The following CRIM1 variants were observed in gnomAD, a reference collection of about 807,000 sequenced individuals.
CRIM1 encodes the protein cysteine-rich motor neuron 1 protein.
A neutral mutation model predicts 116.4 loss-of-function variants in CRIM1; 32 were observed. That is an observed-to-expected ratio of 0.27 (90% CI 0.21 to 0.37). CRIM1 has a LOEUF of 0.37. Among genes scored for constraint, CRIM1 ranks in the 10% least tolerant of loss-of-function variants. The pLI, the probability that CRIM1 is intolerant of heterozygous loss-of-function variation, is 1.00. For missense variants in CRIM1, 1,331 were observed against 1,354.8 expected, an observed-to-expected ratio of 0.98 and a Z score of 0.28; for synonymous variants, 590 against 509.2, an observed-to-expected ratio of 1.16 and a Z score of -2.13.
chr2:36,370,550 A>G (rs1230093879), intron 1 of CRIM1, among the ~76,000 whole-genome samples: 2 of 152,238 alleles, frequency 1.3e-5, no homozygotes, highest in Non-Finnish European at 2.9e-5. Flanking sequence ...ACATGCTTTA[A>G]TAACATAAAG....
rs1365193137 is a variant in CRIM1 at position 36,512,405 on chromosome 2, A to G, written c.1780+11A>G. On this transcript the variant is annotated intron_variant, in intron 10 of 16. Coordinates refer to ENST00000280527, the MANE Select transcript of CRIM1 (RefSeq NM_016441.3). ...TCTGCAAGTGCAGAGGTAAGTGTGT[A>G]CACATGGCCCTTCCCCCTCAAAGCA... The G allele has an allele frequency of 1.9e-6, 3 of 1,599,514 alleles. No homozygotes were observed. Among genetic ancestry groups the G allele is most frequent in the East Asian group, 4.5e-5 (2 of 44,444 alleles).
chr2:36,445,155 A>G (rs1312173113), intron 4 of CRIM1, among the ~76,000 whole-genome samples: 5 of 152,186 alleles, frequency 3.3e-5, no homozygotes, highest in African/African-American at 9.6e-5. Context: ...GATGATTTAT[A>G]TGTTGAAGAA....
intron 13 of CRIM1, among the ~76,000 whole-genome samples, chr2:36,536,537 G>T (rs1010460555): frequency 6.6e-6 from 1 of 152,094 alleles, no homozygotes; most frequent in African/African-American, 2.4e-5. Context: ...GCTGGTCCTT[G>T]GGGCCTCACT....
intron 1 of CRIM1, among the ~76,000 whole-genome samples, chr2:36,394,306 A>C (rs748455341): frequency 6.6e-6 from 1 of 152,172 alleles, no homozygotes. Flanking sequence ...TCAGTTATAA[A>C]TTTGCATATG....
chr2:36,485,186 C>T (rs1310940713), intron 7 of CRIM1, among the ~76,000 whole-genome samples: 1 of 152,146 alleles, frequency 6.6e-6, no homozygotes, highest in Admixed American at 6.5e-5. Flanking sequence ...CCTTCTAATT[C>T]TGGGTTTAGG....
chr2:36,357,838 C>T (rs760726243), intron 1 of CRIM1, among the ~76,000 whole-genome samples: 5 of 152,110 alleles, frequency 3.3e-5, no homozygotes, highest in Non-Finnish European at 5.9e-5. Flanking sequence ...CGGTTTATTC[C>T]GAAGCATCTT....
At chr2:36,396,901 T>A in intron 2 of CRIM1, 114 bp downstream of exon 2, 1 of 900,918 alleles carries the variant, frequency 1.1e-6, no homozygotes, top group Non-Finnish European at 1.7e-6. Context: ...AGAGTGGTAG[T>A]TTGTATAATC....
intron 11 of CRIM1, among the ~76,000 whole-genome samples, chr2:36,515,260 T>C (rs1425797139): frequency 1.3e-5 from 2 of 152,224 alleles, no homozygotes; most frequent in Non-Finnish European, 2.9e-5. Context: ...GAATGGATAA[T>C]TGACCTGAGA....
rs148962190 is a variant in CRIM1, at chr2:36,390,487, G to A, written c.332-6127G>A. On this transcript the variant is annotated intron_variant, in intron 1 of 16. Coordinates refer to ENST00000280527, the MANE Select transcript of CRIM1 (RefSeq NM_016441.3). ...TCTGCCTCCTTTCAGGGCACGGGGTGTTGAAGATACTTACTTTTCATGTGG... is the reference window on the plus strand; with the variant it reads ...TCTGCCTCCTTTCAGGGCACGGGGTATTGAAGATACTTACTTTTCATGTGG... Among the ~76,000 whole-genome samples, 297 of 152,298 alleles carry A rather than the reference G, an allele frequency of 2.0e-3. 1 individual carries two copies. The highest frequency in any genetic ancestry group is 6.7e-3 in the African/African-American group (278 of 41,566).
At chr2:36,406,631 C>A (rs1249473163) in intron 2 of CRIM1, among the ~76,000 whole-genome samples, 6 of 143,166 alleles carry the variant, frequency 4.2e-5, no homozygotes, top group South Asian at 2.3e-4. Context: ...CTCCCCCCCC[C>A]CCAAAAAAAA....
At chr2:36,454,672 T>A (rs1407875793) in intron 4 of CRIM1, among the ~76,000 whole-genome samples, 1 of 152,330 alleles carries the variant, frequency 6.6e-6, no homozygotes, top group African/African-American at 2.4e-5. Flanking sequence ...TATTTTTAAA[T>A]TAGTCACTGA....
At chr2:36,403,782 G>A (rs543717866) in intron 2 of CRIM1, among the ~76,000 whole-genome samples, 45 of 152,244 alleles carry the variant, frequency 3.0e-4, no homozygotes, top group African/African-American at 1.0e-3. Flanking sequence ...TGAAATACAA[G>A]GAGAGCAGCT....
At chr2:36,479,103 G>T (rs185867886) in intron 6 of CRIM1, among the ~76,000 whole-genome samples, 1 of 152,346 alleles carries the variant, frequency 6.6e-6, no homozygotes. Flanking sequence ...CCGCTTTACA[G>T]TTAGGGAAGT....
At chr2:36,444,403 G>A (rs974480443) in intron 4 of CRIM1, among the ~76,000 whole-genome samples, 13 of 152,282 alleles carry the variant, frequency 8.5e-5, no homozygotes, top group East Asian at 1.9e-4. Flanking sequence ...ATTTCTTTCC[G>A]TCTGGATGGC....
chr2:36,539,659 C>T (rs1023779794), intron 14 of CRIM1, among the ~76,000 whole-genome samples: 1 of 151,870 alleles, frequency 6.6e-6, no homozygotes, highest in African/African-American at 2.4e-5. Context: ...AGGGTGGTAG[C>T]CGTGGAGGTG....
At chr2:36,527,448 C>T (rs1665827704) in intron 13 of CRIM1, among the ~76,000 whole-genome samples, 1 of 152,104 alleles carries the variant, frequency 6.6e-6, no homozygotes, top group African/African-American at 2.4e-5. Flanking sequence ...TGCCATGGAG[C>T]TGGCTTAGCT....
chr2:36,538,353 C>T (rs928164444), intron 14 of CRIM1, among the ~76,000 whole-genome samples: 1 of 152,166 alleles, frequency 6.6e-6, no homozygotes, highest in African/African-American at 2.4e-5. Context: ...ACACAGATTT[C>T]CCGGTGGTAT....
At chr2:36,426,540 T>C (rs1674463798) in intron 2 of CRIM1, among the ~76,000 whole-genome samples, 1 of 152,162 alleles carries the variant, frequency 6.6e-6, no homozygotes, top group African/African-American at 2.4e-5. Flanking sequence ...AGTGAAGAAC[T>C]GGTATGTCCA....
intron 2 of CRIM1, among the ~76,000 whole-genome samples, chr2:36,413,468 C>T (rs1047147239): frequency 3.9e-5 from 6 of 151,992 alleles, no homozygotes; most frequent in African/African-American, 9.7e-5. Flanking sequence ...TTCACACAAG[C>T]GGGAAAGGAC....
Sources: allele counts gnomAD v4.1 joint callset (sites outside exome capture counted in the v4.1 genomes callset), GRCh38; gene constraint gnomAD v4.1.1; transcripts MANE v1.5; gene names NCBI Gene and HGNC (gene_info 2026-07-23, HGNC 2026-07-21).